MGST1: variants seen among roughly 807,000 people sequenced by gnomAD.
MGST1 encodes glutathione S-transferase 12.
In MGST1, 5 loss-of-function variants were observed where a neutral mutation model predicts 8.9. That is an observed-to-expected ratio of 0.56 (90% confidence interval 0.29 to 1.19). The LOEUF is 1.19. Among genes scored for constraint, MGST1 ranks in the 50% most tolerant of loss-of-function variants. The pLI is 0.08. For missense variants in MGST1, 182 were observed against 187.4 expected, an observed-to-expected ratio of 0.97 and a Z score of 0.17; for synonymous variants, 54 against 67.8, an observed-to-expected ratio of 0.80 and a Z score of 1.00.
intron 4 of MGST1, among the ~76,000 whole-genome samples, chr12:16,460,555 G>A (rs937177501): frequency 4.0e-5 from 6 of 150,536 alleles, no homozygotes; most frequent in Admixed American, 2.6e-4. Context: ...CACTCGGCTT[G>A]AGCCTGCCTA....
intron 1 of MGST1, among the ~76,000 whole-genome samples, chr12:16,420,824 T>C (rs1409649206): frequency 6.6e-6 from 1 of 152,218 alleles, no homozygotes; most frequent in Non-Finnish European, 1.5e-5. Context: ...GGTGAGGGAA[T>C]GAGTGCCTCA....
At chr12:16,535,908 C>A (rs1267663065) in intron 4 of MGST1, among the ~76,000 whole-genome samples, 1 of 152,126 alleles carries the variant, frequency 6.6e-6, no homozygotes, top group African/African-American at 2.4e-5. Context: ...GTTTCTTATT[C>A]AGAGAACAGT....
At chr12:16,359,725 G>T (rs910014866) in intron 3 of MGST1, among the ~76,000 whole-genome samples, 1 of 152,208 alleles carries the variant, frequency 6.6e-6, no homozygotes, top group African/African-American at 2.4e-5. Flanking sequence ...GCAGCCGCCT[G>T]CATGATGCTA....
downstream of MGST1, among the ~76,000 whole-genome samples, chr12:16,366,690 C>T (rs889881082): frequency 1.3e-5 from 2 of 150,882 alleles, no homozygotes; most frequent in African/African-American, 2.4e-5. This position sits in a 1 kb window ranked among gnomAD's most constrained non-coding sequence, Gnocchi z 4.0. Context: ...CTACCATCAT[C>T]GGTTCTAACC....
At chr12:16,575,300 G>A (rs567628879) in intron 4 of MGST1, among the ~76,000 whole-genome samples, 3 of 152,174 alleles carry the variant, frequency 2.0e-5, no homozygotes, top group Middle Eastern at 6.8e-3. Flanking sequence ...CACACTAAAC[G>A]TCATACTGTC....
intron 1 of MGST1, chr12:16,400,203 T>C (rs1267748455): frequency 1.1e-6 from 1 of 939,208 alleles, no homozygotes; most frequent in Non-Finnish European, 1.8e-6. Flanking sequence ...CTCCCACTTC[T>C]GTGTAGAACT....
rs1406986672 is a variant in MGST1, at chr12:16,587,804, T to C, written n.483-1724T>C. Among the ~76,000 whole-genome samples, 1 of 151,810 alleles carries C rather than the reference T, an allele frequency of 6.6e-6. No individual in the cohort carries two copies. The highest frequency in any genetic ancestry group is 2.4e-5 in the African/African-American group (1 of 41,398). Reference sequence around the variant, plus strand: ...TCTAAAAATCTCACTGTGTCCTGAATGGGGGGTTTCAGGGGGAGGGAGAGG... The same window carrying C: ...TCTAAAAATCTCACTGTGTCCTGAACGGGGGGTTTCAGGGGGAGGGAGAGG... On this transcript the variant is annotated intron_variant and non_coding_transcript_variant, in intron 4 of 4. Coordinates refer to the MGST1 transcript ENST00000538857. The surrounding 1 kb of genome is among the most constrained non-coding windows in gnomAD (Gnocchi z 4.3).
At chr12:16,477,693 T>G (rs1941333362) in intron 4 of MGST1, among the ~76,000 whole-genome samples, 1 of 152,236 alleles carries the variant, frequency 6.6e-6, no homozygotes, top group Non-Finnish European at 1.5e-5. Context: ...CTCTTAAATC[T>G]AAGGAAGATT....
intron 4 of MGST1, among the ~76,000 whole-genome samples, chr12:16,509,239 T>C (rs771050621): frequency 2.6e-5 from 4 of 152,198 alleles, no homozygotes; most frequent in Non-Finnish European, 4.4e-5. Flanking sequence ...AGTTAATTAT[T>C]ATGACCCTGC....
chr12:16,367,867 G>A (rs1007159279), downstream of MGST1, among the ~76,000 whole-genome samples: 1 of 129,302 alleles, frequency 7.7e-6, no homozygotes, highest in Non-Finnish European at 1.5e-5. Context: ...TCACCACTGT[G>A]GGTGCTTGGA....
chr12:16,425,031 C>G (rs1025074990), intron 1 of MGST1, among the ~76,000 whole-genome samples: 15 of 152,156 alleles, frequency 9.9e-5, no homozygotes, highest in African/African-American at 3.4e-4. Context: ...AACCATCTTT[C>G]AGTGGTGTTT....
intron 4 of MGST1, among the ~76,000 whole-genome samples, chr12:16,573,025 G>A (rs1183102032): frequency 6.6e-6 from 1 of 151,582 alleles, no homozygotes; most frequent in African/African-American, 2.4e-5. Context: ...AAATTTTCCT[G>A]TTTTTATTAT....
chr12:16,417,555 C>T (rs558312435), intron 1 of MGST1, among the ~76,000 whole-genome samples: 2 of 152,192 alleles, frequency 1.3e-5, no homozygotes, highest in East Asian at 3.9e-4. Flanking sequence ...CAGTGCCCTG[C>T]CAATGGAGAG....
intron 4 of MGST1, among the ~76,000 whole-genome samples, chr12:16,451,514 C>A (rs998358104): frequency 6.6e-6 from 1 of 151,810 alleles, no homozygotes; most frequent in Non-Finnish European, 1.5e-5. Context: ...ATGCATTTAG[C>A]ATTCTTAAAA....
At chr12:16,383,026 T>A (rs1940471111) in exon 1 of MGST1, 1 of 152,304 alleles carries the variant, frequency 6.6e-6, no homozygotes, top group Non-Finnish European at 1.5e-5. Context: ...GAGACCTGAT[T>A]TTCCAGGTGC....
intron 4 of MGST1, among the ~76,000 whole-genome samples, chr12:16,561,024 ACATAGAGGCG>A (rs772353137): frequency 3.9e-5 from 6 of 152,168 alleles, no homozygotes; most frequent in Non-Finnish European, 7.4e-5. Flanking sequence ...TAGTCAAAAA[ACATAGAGGCG>A]CATGCATGCA....
At chr12:16,577,753 C>T (rs895760419) in intron 4 of MGST1, among the ~76,000 whole-genome samples, 12 of 152,140 alleles carry the variant, frequency 7.9e-5, no homozygotes, top group African/African-American at 2.9e-4. Flanking sequence ...TGTTCAATAA[C>T]TTACAATGGC....
intron 4 of MGST1, chr12:16,573,792 G>A (rs754809571): frequency 6.6e-6 from 1 of 152,072 alleles, no homozygotes; most frequent in East Asian, 1.9e-4. Flanking sequence ...GAAGTTGATC[G>A]GGGGTAGAGA....
chr12:16,409,995 C>T (rs1444758470), intron 1 of MGST1, among the ~76,000 whole-genome samples: 5 of 152,132 alleles, frequency 3.3e-5, no homozygotes, highest in South Asian at 2.1e-4. Flanking sequence ...CCTCCTCCCT[C>T]GTGAGTTCTC....
Sources: gnomAD v4.1 joint callset for allele counts (sites outside exome capture counted in the v4.1 genomes callset) on GRCh38, gnomAD v4.1.1 for gene constraint, Gnocchi (gnomAD v3.1) non-coding constraint, MANE v1.5 for transcripts, NCBI Gene and HGNC (gene_info 2026-07-23, HGNC 2026-07-21) for gene names.